Variants in LMLN observed in about 807,000 individuals in gnomAD.
The protein encoded by LMLN is leishmanolysin-like peptidase.
LMLN carries 70 observed loss-of-function variants against 92.3 expected under a neutral mutation model. That is an observed-to-expected ratio of 0.76 (90% CI 0.63 to 0.92). The LOEUF is 0.92. Among genes scored for constraint, LMLN ranks in the 40% least tolerant of loss-of-function variants. LMLN has a pLI of 0.00. For missense variants in LMLN, 691 were observed against 814.6 expected (o/e 0.85, Z 1.85); for synonymous variants, 308 against 296.2 (o/e 1.04, Z -0.41).
chr3:198,014,355 A>C (rs1452156535), intron 11 of LMLN, among the ~76,000 whole-genome samples: 10 of 35,338 alleles, frequency 2.8e-4, no homozygotes, highest in Admixed American at 1.5e-3. Context: ...CTCTCCACCC[A>C]TCAGAGCCCC....
At chr3:197,985,957 C>A in intron 8 of LMLN, 67 bp downstream of exon 8, 2 of 961,806 alleles carry the variant, frequency 2.1e-6, no homozygotes, top group Admixed American at 3.6e-5. Flanking sequence ...ATCTGAGAAT[C>A]ACAGTATATT....
In LMLN at chr3:198,021,566, C is replaced by T; in HGVS notation, c.1486C>T (p.Gln496Ter). 6.2e-7 allele frequency: 1 copy of T among 1,614,126 alleles called. No homozygotes were observed. Among genetic ancestry groups the T allele is most frequent in the Non-Finnish European group, 8.5e-7 (1 of 1,180,000 alleles). ...CAGTTGGCATTTAAGTGGTGAATAT[C>T]AGCGCAGCTCAGATTGTAGAATATT... The change falls in exon 13 of 16, where the codon CAG (glutamine) becomes TAG (stop). Residue 496 changes from glutamine to a stop codon, truncating the protein, a stop_gained. Transcript: ENST00000330198. LOFTEE classifies it high-confidence loss of function.
At chr3:197,979,732 C>T (rs1318831551) in intron 5 of LMLN, among the ~76,000 whole-genome samples, 1 of 151,932 alleles carries the variant, frequency 6.6e-6, no homozygotes, top group African/African-American at 2.4e-5. Context: ...AGGAGAGAGC[C>T]GAGATCACGC....
chr3:197,998,230 C>T (rs1184936816), intron 10 of LMLN, among the ~76,000 whole-genome samples: 1 of 152,152 alleles, frequency 6.6e-6, no homozygotes, highest in Non-Finnish European at 1.5e-5. Context: ...GAACCAGTAT[C>T]TTTTTATTTT....
chr3:197,980,190 G>C (rs532595285), intron 5 of LMLN, 136 bp from the exon 6 acceptor site: 1 of 631,952 alleles, frequency 1.6e-6, no homozygotes. Flanking sequence ...AGGGAGGTAT[G>C]GATTTTGATA....
At chr3:197,982,955 A>G (rs1357105973) in intron 6 of LMLN, among the ~76,000 whole-genome samples, 2 of 152,198 alleles carry the variant, frequency 1.3e-5, no homozygotes, top group Non-Finnish European at 2.9e-5. Flanking sequence ...CTGTCGGAGG[A>G]CAGGTGCTTT....
chr3:197,969,188 C>T (rs1289563620), intron 1 of LMLN, among the ~76,000 whole-genome samples: 1 of 151,906 alleles, frequency 6.6e-6, no homozygotes, highest in African/African-American at 2.4e-5. Flanking sequence ...CTCAAGCAAT[C>T]CTCCCACCTT....
chr3:198,020,768 A>ATTTTTTTTTTTTTTTT lies in LMLN; in HGVS notation c.1366-661_1366-646dup. Among the ~76,000 whole-genome samples the ATTTTTTTTTTTTTTTT allele has an allele frequency of 7.1e-3, 232 of 32,848 alleles. 31 individuals carry two copies. Among genetic ancestry groups the ATTTTTTTTTTTTTTTT allele is most frequent in the African/African-American group, 0.014 (115 of 8,318 alleles). The allele number at this position is 32,848 out of a possible 152,430, so 21.5% of individuals were successfully genotyped here. ...GCCACCACACCCAGCTAATTTTTGT[A>ATTTTTTTTTTTTTTTT]TTTTTTTTTTTTTTTTTTTTTTTTT... On this transcript the variant is annotated intron_variant, in intron 12 of 15. Coordinates refer to ENST00000330198, the Ensembl canonical transcript of LMLN.
chr3:198,027,143 C>T (rs928790493), intron 14 of LMLN, among the ~76,000 whole-genome samples: 2 of 152,270 alleles, frequency 1.3e-5, no homozygotes, highest in African/African-American at 4.8e-5. Context: ...CAGCTGCTGT[C>T]ATCTCAGCAT....
At chr3:197,960,296 C>G (rs759910305) in exon 1 of LMLN, 1 of 1,613,690 alleles carries the variant, frequency 6.2e-7, no homozygotes. Flanking sequence ...CAGGCCCGGG[C>G]CGGAGCCGGT....
chr3:198,022,581 C>T (rs948613906), intron 13 of LMLN, among the ~76,000 whole-genome samples: 2 of 152,206 alleles, frequency 1.3e-5, no homozygotes, highest in Non-Finnish European at 2.9e-5. Flanking sequence ...CCTGGCCAGG[C>T]GCAGTGGCTC....
At chr3:198,014,054 T>C (rs1266486623) in intron 11 of LMLN, among the ~76,000 whole-genome samples, 1 of 138,792 alleles carries the variant, frequency 7.2e-6, no homozygotes, top group African/African-American at 2.8e-5. Context: ...GACTTCTCTG[T>C]ACCCTTCAGA....
At chr3:197,965,767 A>T (rs140751995) in intron 1 of LMLN, among the ~76,000 whole-genome samples, 2 of 152,222 alleles carry the variant, frequency 1.3e-5, no homozygotes, top group Non-Finnish European at 2.9e-5. Context: ...TACAAAAATT[A>T]GTTGGGTGTG....
chr3:198,031,178 C>G lies in LMLN; in HGVS notation c.1657-4655C>G, dbSNP rs1031628195. 5.3e-5 allele frequency among the ~76,000 whole-genome samples: 8 copies of G among 152,188 alleles called. No homozygotes were observed. Among genetic ancestry groups the G allele is most frequent in the African/African-American group, 1.9e-4 (8 of 41,440 alleles). On this transcript the variant is annotated intron_variant, in intron 14 of 15. Transcript: ENST00000330198. The surrounding 1 kb of genome is among the most constrained non-coding windows in gnomAD (Gnocchi z 4.8). ...ATGAAAACTCAAAGAAGTGTGAAAC[C>G]TATATACTTTTATACTACATTGAAC...
intron 14 of LMLN, among the ~76,000 whole-genome samples, chr3:198,030,366 G>A (rs1157544698): frequency 6.6e-6 from 1 of 152,158 alleles, no homozygotes; most frequent in Admixed American, 6.5e-5. Context: ...ATGCAGACGT[G>A]GCGCCTGGTA....
intron 11 of LMLN, among the ~76,000 whole-genome samples, chr3:198,009,269 C>T (rs1306810572): frequency 2.0e-5 from 3 of 152,212 alleles, no homozygotes; most frequent in Non-Finnish European, 4.4e-5. Context: ...TCATCTATTT[C>T]ATCTTGCAGT....
chr3:198,007,695 A>T (rs192472533), intron 11 of LMLN, among the ~76,000 whole-genome samples: 2 of 152,160 alleles, frequency 1.3e-5, no homozygotes, highest in African/African-American at 4.8e-5. Context: ...ACGTTTTACA[A>T]TTATCTCGTC....
At chr3:198,014,095 C>G (rs1722540949) in intron 11 of LMLN, among the ~76,000 whole-genome samples, 1 of 146,994 alleles carries the variant, frequency 6.8e-6, no homozygotes, top group Admixed American at 6.7e-5. Context: ...TCTCTGTACC[C>G]TTCAGAGTCC....
At chr3:198,035,225 G>T (rs1723179785) in intron 14 of LMLN, among the ~76,000 whole-genome samples, 2 of 148,412 alleles carry the variant, frequency 1.3e-5, no homozygotes, top group African/African-American at 2.5e-5. Flanking sequence ...AAAGCTGTAT[G>T]TGTGTGCCCC....
Sources: allele counts gnomAD v4.1 joint callset (sites outside exome capture counted in the v4.1 genomes callset), GRCh38; gene constraint gnomAD v4.1.1; non-coding constraint Gnocchi (gnomAD v3.1); transcripts MANE v1.5; gene names NCBI Gene and HGNC (gene_info 2026-07-23, HGNC 2026-07-21).